TK2: variants seen among roughly 807,000 people sequenced by gnomAD.
TK2 encodes thymidine kinase 2.
A neutral mutation model predicts 41.9 loss-of-function variants in TK2; 35 were observed. The ratio of observed to expected loss-of-function variants is 0.84; its 90% CI spans 0.64 to 1.11. The LOEUF (loss-of-function observed/expected upper bound fraction) is 1.11. Ranked by LOEUF, TK2 falls within the 50% of genes least tolerant of loss-of-function variation. The pLI, the probability that TK2 is intolerant of heterozygous loss-of-function variation, is 0.00. For synonymous variants in TK2, 128 were observed against 129.1 expected (o/e 0.99, Z 0.06); for missense variants, 320 against 351.1 (o/e 0.91, Z 0.71).
In TK2 at chr16:66,517,842, G is replaced by A. The variant is rs774806103; in HGVS notation, c.485C>T (p.Ser162Leu). The stretch of plus-strand genomic sequence containing the variant: ...CCTCAAGATCCAGTCAAACCATTCC[G>A]ACAGAACTACATAGTCCACTTCTGG... ...KMPEVDYVVL[S>L]EWFDWILRNM... Residue 162 changes from serine (S) to leucine (L), a missense_variant, in exon 7 of 10, where the codon TCG (serine) becomes TTG (leucine). Ser to Leu is a moderately radical substitution (Grantham distance 145). Transcript: ENST00000544898. The surrounding 1 kb of genome is among the most constrained non-coding windows in gnomAD (Gnocchi z 4.3). 9.3e-6 allele frequency: 15 copies of A among 1,613,968 alleles called. No homozygotes were observed. Among genetic ancestry groups the A allele is most frequent in the African/African-American group, 2.7e-5 (2 of 74,906 alleles).
At chr16:66,530,422 C>T (rs1278718456) in intron 5 of TK2, among the ~76,000 whole-genome samples, 1 of 152,200 alleles carries the variant, frequency 6.6e-6, no homozygotes, top group African/African-American at 2.4e-5. Context: ...GATGCATCCT[C>T]ACTGATGGAA....
intron 3 of TK2, among the ~76,000 whole-genome samples, chr16:66,538,358 T>G (rs1472570335): frequency 6.6e-6 from 1 of 151,984 alleles, no homozygotes; most frequent in Non-Finnish European, 1.5e-5. Context: ...AATATGCCCT[T>G]CCCCTGCCCC....
chr16:66,521,302 G>C (rs548054937), intron 6 of TK2, among the ~76,000 whole-genome samples: 19 of 152,222 alleles, frequency 1.2e-4, no homozygotes, highest in Non-Finnish European at 2.5e-4. Context: ...AGACTCCGGT[G>C]GCTCTGCCCC....
rs376537911 is a variant in TK2, at chr16:66,547,596, GC to G, written c.156+1381del. On this transcript the variant is annotated intron_variant, in intron 2 of 9. Coordinates refer to ENST00000544898, the MANE Select transcript of TK2 (RefSeq NM_004614.5). ...TTCCCAAAGCTCCTCTCAGTCATCA[GC>G]CCCCCTACTCACAGCCACCATACTC... is the stretch of plus-strand genomic sequence containing the variant. Among the ~76,000 whole-genome samples, 438 of 151,958 alleles carry G rather than the reference GC, an allele frequency of 2.9e-3. 21 individuals are homozygous for G. The East Asian group carries it at 0.074, about 26-fold the overall frequency.
intron 3 of TK2, among the ~76,000 whole-genome samples, chr16:66,539,137 A>G (rs1457424181): frequency 6.6e-6 from 1 of 152,224 alleles, no homozygotes; most frequent in East Asian, 1.9e-4. Context: ...CAGTGAGACT[A>G]TAAGCACTTC....
chr16:66,528,558 G>A (rs150316169), intron 6 of TK2, among the ~76,000 whole-genome samples: 1 of 152,300 alleles, frequency 6.6e-6, no homozygotes, highest in African/African-American at 2.4e-5. Flanking sequence ...TGGAATGCTA[G>A]CAAACTTGGA....
At chr16:66,534,195 A>AATC (rs1391613407) in intron 4 of TK2, among the ~76,000 whole-genome samples, 1 of 152,040 alleles carries the variant, frequency 6.6e-6, no homozygotes, top group Non-Finnish European at 1.5e-5. Flanking sequence ...GGGGACTCTG[A>AATC]AGAGTCCCCA....
At chr16:66,542,037 T>C (rs1336252219) in intron 2 of TK2, 84 bp from the exon 3 acceptor site, 7 of 1,431,090 alleles carry the variant, frequency 4.9e-6, no homozygotes, top group African/African-American at 2.8e-5. Flanking sequence ...AAAGGGCTCA[T>C]GTAACCAGCA....
rs190947569 is a variant in TK2 at position 66,536,661 on chromosome 16, G to A, written c.285+303C>T. Among the ~76,000 whole-genome samples, 107 of 152,296 alleles carry A rather than the reference G, an allele frequency of 7.0e-4. 2 individuals are homozygous for A. Among genetic ancestry groups the A allele is most frequent in the Admixed American group, 6.5e-4 (10 of 15,298 alleles). On this transcript the variant is annotated intron_variant, in intron 4 of 9. Coordinates refer to ENST00000544898, the MANE Select transcript of TK2 (RefSeq NM_004614.5). ...GGGTTCTGATAGGTTTCTTCTAGGG[G>A]AGGGGAAGGCTGGAATGAGCAACAA...
In TK2 at chr16:66,517,350, ACTGACCCTCCGCCTCGACTTTC is replaced by A; in HGVS notation, c.539-157_539-136del. ...GGGAGGGCCAGCTCTTGGCTTGACC[ACTGACCCTCCGCCTCGACTTTC>A]ATTCTCTTTCAGTGTCAGCGGCCCC... On this transcript the variant is annotated intron_variant, in intron 7 of 9. Coordinates refer to ENST00000544898, the MANE Select transcript of TK2 (RefSeq NM_004614.5). This position sits in a 1 kb window ranked among gnomAD's most constrained non-coding sequence, Gnocchi z 4.3. 1 of 806,878 alleles carries A rather than the reference ACTGACCCTCCGCCTCGACTTTC, an allele frequency of 1.2e-6. No individual in the cohort carries two copies. The allele number at this position is 806,878 out of a possible 1,614,324, so 50.0% of individuals were successfully genotyped here.
At chr16:66,550,273 A>T (rs1359116895), upstream of TK2, 1 of 1,590,160 alleles carries the variant, frequency 6.3e-7, no homozygotes, top group Admixed American at 1.8e-5. Context: ...ACGCTGGCAG[A>T]ACGCACCCAT....
chr16:66,543,547 C>T (rs998228738), intron 2 of TK2, among the ~76,000 whole-genome samples: 35 of 152,246 alleles, frequency 2.3e-4, no homozygotes, highest in Admixed American at 3.9e-4. Flanking sequence ...GAGAGGGGCC[C>T]GACCTGCTGC....
intron 6 of TK2, among the ~76,000 whole-genome samples, chr16:66,527,291 G>C (rs1297852911): frequency 6.6e-6 from 1 of 152,228 alleles, no homozygotes; most frequent in African/African-American, 2.4e-5. Context: ...GCATTGCTCT[G>C]ATGCTCTGGG....
chr16:66,530,428 T>C (rs1426423444), intron 5 of TK2, among the ~76,000 whole-genome samples: 1 of 152,192 alleles, frequency 6.6e-6, no homozygotes, highest in Non-Finnish European at 1.5e-5. Context: ...TCCTCACTGA[T>C]GGAATAGGCC....
intron 6 of TK2, among the ~76,000 whole-genome samples, chr16:66,528,223 CT>C (rs1964994629): frequency 6.6e-6 from 1 of 152,140 alleles, no homozygotes; most frequent in Non-Finnish European, 1.5e-5. Context: ...GTATCCCAAG[CT>C]CGCGGCAGGG....
At chr16:66,526,807 A>C (rs1964946284) in intron 6 of TK2, among the ~76,000 whole-genome samples, 1 of 152,184 alleles carries the variant, frequency 6.6e-6, no homozygotes. Context: ...GCCAAGCTGA[A>C]TGTGATTAAA....
intron 6 of TK2, among the ~76,000 whole-genome samples, chr16:66,527,629 A>AAGTTGAACCAC (rs1964974710): frequency 6.6e-6 from 1 of 152,200 alleles, no homozygotes; most frequent in Non-Finnish European, 1.5e-5. Context: ...GACACATACT[A>AAGTTGAACCAC]AGTTGAACCA....
At chr16:66,531,586 G>A in intron 4 of TK2, 117 bp from the exon 5 acceptor site, 1 of 916,912 alleles carries the variant, frequency 1.1e-6, no homozygotes, top group Non-Finnish European at 1.7e-6. Flanking sequence ...TGGGGCTGGA[G>A]ATAAACCCAG....
chr16:66,518,868 C>T (rs1320755869), intron 6 of TK2, among the ~76,000 whole-genome samples: 2 of 152,244 alleles, frequency 1.3e-5, no homozygotes, highest in East Asian at 1.9e-4. Flanking sequence ...TTTCTTTATA[C>T]CTTTTTGTAT....
Sources: allele counts gnomAD v4.1 joint callset (sites outside exome capture counted in the v4.1 genomes callset), GRCh38; gene constraint gnomAD v4.1.1; non-coding constraint Gnocchi (gnomAD v3.1); transcripts MANE v1.5; gene names NCBI Gene and HGNC (gene_info 2026-07-23, HGNC 2026-07-21).